The following ELMO1 variants were observed in gnomAD, a reference collection of about 807,000 sequenced individuals.
ELMO1 encodes the protein engulfment and cell motility 1, also known as engulfment and cell motility protein 1.
In ELMO1, 26 loss-of-function variants were observed where a neutral mutation model predicts 98.9. The observed-to-expected ratio is 0.26, with a 90% CI of 0.19 to 0.36. ELMO1 has a LOEUF of 0.36. Among genes scored for constraint, ELMO1 ranks in the 10% least tolerant of loss-of-function variants. ELMO1 has a pLI of 1.00. For missense variants in ELMO1, 627 were observed against 935.2 expected, an observed-to-expected ratio of 0.67 and a Z score of 4.30; for synonymous variants, 346 against 346.0, an observed-to-expected ratio of 1.00 and a Z score of 0.00.
intron 2 of ELMO1, 45 bp from the exon 3 acceptor site, chr7:37,316,005 C>A: frequency 2.2e-6 from 3 of 1,376,486 alleles, no homozygotes; most frequent in Non-Finnish European, 1.0e-6. Context: ...TTCGTTTCAT[C>A]ATTTTAAATT....
At chr7:37,368,938 T>C (rs1057037442) in intron 1 of ELMO1, among the ~76,000 whole-genome samples, 36 of 152,344 alleles carry the variant, frequency 2.4e-4, no homozygotes, top group African/African-American at 3.8e-4. Flanking sequence ...CTCCTTTTCA[T>C]TGGCCTTTTG....
chr7:37,326,633 G>C (rs1363695067), intron 2 of ELMO1, among the ~76,000 whole-genome samples: 3 of 151,428 alleles, frequency 2.0e-5, no homozygotes, highest in Non-Finnish European at 4.4e-5. Context: ...CAAAAAAACA[G>C]TTAAATGGTT....
chr7:37,146,235 C>T (rs1024850110), intron 13 of ELMO1, among the ~76,000 whole-genome samples: 26 of 152,286 alleles, frequency 1.7e-4, no homozygotes, highest in East Asian at 3.9e-4. Flanking sequence ...CCTGTTAAAC[C>T]CCAGGTTGCT....
At chr7:37,035,543 T>C (rs1424572887) in intron 15 of ELMO1, among the ~76,000 whole-genome samples, 1 of 152,252 alleles carries the variant, frequency 6.6e-6, no homozygotes, top group African/African-American at 2.4e-5. Flanking sequence ...ATGGTCCTTA[T>C]GCTGGATTAA....
chr7:36,893,489 G>A (rs773224340), intron 17 of ELMO1, among the ~76,000 whole-genome samples: 7 of 152,194 alleles, frequency 4.6e-5, no homozygotes, highest in Non-Finnish European at 8.8e-5. Context: ...TCCCTGCCCC[G>A]CTAACTAACT....
intron 13 of ELMO1, among the ~76,000 whole-genome samples, chr7:37,138,713 A>G (rs1787426695): frequency 6.6e-6 from 1 of 152,220 alleles, no homozygotes; most frequent in African/African-American, 2.4e-5. Context: ...ATCCTCCCTT[A>G]ATCGTTCTAT....
intron 15 of ELMO1, among the ~76,000 whole-genome samples, chr7:37,028,525 T>G (rs1415593128): frequency 6.6e-6 from 1 of 152,162 alleles, no homozygotes; most frequent in East Asian, 1.9e-4. Context: ...AGTAGACAAT[T>G]CACAGACTTT....
chr7:37,302,002 C>T (rs2724007), intron 4 of ELMO1, among the ~76,000 whole-genome samples: 142,327 of 152,294 alleles, frequency 0.93, 66,565 homozygotes, highest in Admixed American at 0.95. Flanking sequence ...GTTTAACCTT[C>T]GGATAACTTC....
At chr7:37,241,322 A>C (rs1314026044) in intron 7 of ELMO1, among the ~76,000 whole-genome samples, 1 of 151,902 alleles carries the variant, frequency 6.6e-6, no homozygotes, top group East Asian at 1.9e-4. Context: ...AAAACCATTC[A>C]GTTTTATTAT....
intron 10 of ELMO1, among the ~76,000 whole-genome samples, chr7:37,217,252 G>A (rs1793340287): frequency 6.6e-6 from 1 of 152,192 alleles, no homozygotes; most frequent in South Asian, 2.1e-4. Context: ...GCTCTGCAAG[G>A]CCTGATTTCT....
At chr7:36,970,180 AACACACACACACAC>A (rs56928749) in intron 16 of ELMO1, among the ~76,000 whole-genome samples, 4,352 of 144,336 alleles carry the variant, frequency 0.03, 92 homozygotes, top group Middle Eastern at 0.1. Context: ...TCATACACTT[AACACACACACACAC>A]ACACACACAC....
intron 4 of ELMO1, among the ~76,000 whole-genome samples, chr7:37,311,742 TACAA>T (rs1342089135): frequency 2.0e-5 from 3 of 152,160 alleles, no homozygotes; most frequent in Non-Finnish European, 4.4e-5. Flanking sequence ...ACACCGTATT[TACAA>T]ACAAAGAACT....
intron 21 of ELMO1, among the ~76,000 whole-genome samples, chr7:36,859,036 A>T (rs1173578044): frequency 6.6e-6 from 1 of 152,214 alleles, no homozygotes; most frequent in African/African-American, 2.4e-5. Context: ...TACAGGTCTA[A>T]TGACCTGTTT....
chr7:37,165,230 T>A (rs950182924), intron 13 of ELMO1, among the ~76,000 whole-genome samples: 3 of 152,180 alleles, frequency 2.0e-5, no homozygotes, highest in African/African-American at 7.2e-5. Flanking sequence ...CTTAAGGAGA[T>A]TTTGGGCTGA....
chr7:37,325,063 A>T (rs1008126123), intron 2 of ELMO1, among the ~76,000 whole-genome samples: 3 of 152,210 alleles, frequency 2.0e-5, no homozygotes, highest in Admixed American at 6.5e-5. Context: ...ATCTACAGAT[A>T]GCTTCTTTTA....
chr7:37,216,105 T>G (rs1444969514), intron 11 of ELMO1, among the ~76,000 whole-genome samples: 3 of 151,492 alleles, frequency 2.0e-5, no homozygotes, highest in African/African-American at 7.3e-5. Context: ...TTTGGTTTAT[T>G]TCTAAACATT....
chr7:37,095,106 G>T (rs942463371), intron 15 of ELMO1, among the ~76,000 whole-genome samples: 1 of 152,160 alleles, frequency 6.6e-6, no homozygotes, highest in Non-Finnish European at 1.5e-5. Context: ...TCAGAAAGGA[G>T]GAGACAACCA....
intron 1 of ELMO1, among the ~76,000 whole-genome samples, chr7:37,378,336 C>T (rs1802443047): frequency 6.6e-6 from 1 of 152,204 alleles, no homozygotes; most frequent in Non-Finnish European, 1.5e-5. Flanking sequence ...CTCTTCCTGG[C>T]ATCCTGAAGC....
intron 18 of ELMO1, 138 bp from the exon 19 acceptor site, chr7:36,878,255 G>A (rs1397555948): frequency 4.7e-6 from 3 of 642,430 alleles, no homozygotes; most frequent in African/African-American, 3.7e-5. Flanking sequence ...ATGAATTCTA[G>A]GGCCCTGGGC....
Sources: allele counts gnomAD v4.1 joint callset (sites outside exome capture counted in the v4.1 genomes callset), GRCh38; gene constraint gnomAD v4.1.1; transcripts MANE v1.5; gene names NCBI Gene and HGNC (gene_info 2026-07-23, HGNC 2026-07-21).